Variants in CRACR2A observed in about 807,000 individuals in gnomAD.
The protein encoded by CRACR2A is calcium release activated channel regulator 2A.
A neutral mutation model predicts 90.5 loss-of-function variants in CRACR2A; 79 were observed. The ratio of observed to expected loss-of-function variants is 0.87; its 90% CI spans 0.73 to 1.05. CRACR2A has a LOEUF of 1.05. CRACR2A is among the 50% of genes least tolerant of loss of function. The pLI is 0.00. For missense variants in CRACR2A, 823 were observed against 897.2 expected (o/e 0.92, Z 1.06); for synonymous variants, 338 against 356.7 (o/e 0.95, Z 0.59).
intron 10 of CRACR2A, among the ~76,000 whole-genome samples, chr12:3,652,936 T>G (rs1944820068): frequency 6.6e-6 from 1 of 152,196 alleles, no homozygotes; most frequent in African/African-American, 2.4e-5. Context: ...CTTAAACCTC[T>G]GAACCTCAGT....
intron 17 of CRACR2A, among the ~76,000 whole-genome samples, chr12:3,619,656 T>G (rs1867777590): frequency 6.6e-6 from 1 of 152,184 alleles, no homozygotes; most frequent in Non-Finnish European, 1.5e-5. Context: ...GGATCTTAGA[T>G]GGAACAGCAG....
chr12:3,636,168 G>GAAGT (rs1004412202), intron 14 of CRACR2A, among the ~76,000 whole-genome samples: 1 of 152,134 alleles, frequency 6.6e-6, no homozygotes, highest in African/African-American at 2.4e-5. Flanking sequence ...CCCAGCAATA[G>GAAGT]AAGTGCTGGT....
chr12:3,641,046 T>G (rs1249787067), intron 13 of CRACR2A, among the ~76,000 whole-genome samples: 6 of 152,178 alleles, frequency 3.9e-5, no homozygotes, highest in African/African-American at 1.4e-4. Context: ...GTCATGTTCC[T>G]AAAAAACCAA....
intron 10 of CRACR2A, among the ~76,000 whole-genome samples, chr12:3,653,760 C>A (rs1349459549): frequency 6.6e-6 from 1 of 152,212 alleles, no homozygotes; most frequent in Non-Finnish European, 1.5e-5. Flanking sequence ...ATCCTGGAAG[C>A]CTCCCTGCTT....
rs531444591 is a variant in CRACR2A, at chr12:3,648,667, C to T, written c.1047-54G>A. ...AGCTCCCAGGTGGAAGCCGGATGCC[C>T]GGACCCCTCATGCTGGAGACCAGCA... On this transcript the variant is annotated intron_variant, in intron 10 of 19. Coordinates refer to ENST00000440314, the MANE Select transcript of CRACR2A (RefSeq NM_001144958.2). 64 of 1,578,066 alleles carry T rather than the reference C, an allele frequency of 4.1e-5. 1 individual carries two copies. The South Asian group carries it at 6.0e-4, about 15-fold the overall frequency.
intron 11 of CRACR2A, among the ~76,000 whole-genome samples, chr12:3,647,156 C>T (rs945875619): frequency 6.6e-6 from 1 of 151,860 alleles, no homozygotes; most frequent in Non-Finnish European, 1.5e-5. Context: ...GATTCCACCA[C>T]CGTCCCACCC....
At chr12:3,722,099 G>C (rs1223187081) in intron 2 of CRACR2A, among the ~76,000 whole-genome samples, 4 of 152,138 alleles carry the variant, frequency 2.6e-5, no homozygotes, top group African/African-American at 9.7e-5. Context: ...TACATTTTTA[G>C]CTCCCTGAAG....
At chr12:3,648,487 C>T (rs149287496) in intron 11 of CRACR2A, 55 bp downstream of exon 11, 141 of 1,613,264 alleles carry the variant, frequency 8.7e-5, no homozygotes, top group Admixed American at 1.7e-4. Flanking sequence ...CTGGTCCTTC[C>T]GACCCCAGGC....
At chr12:3,691,981 GT>G (rs1415202540) in intron 4 of CRACR2A, among the ~76,000 whole-genome samples, 1 of 152,176 alleles carries the variant, frequency 6.6e-6, no homozygotes, top group Non-Finnish European at 1.5e-5. Flanking sequence ...TTGTAGTGTA[GT>G]TTTTCAGATC....
chr12:3,656,809 G>A (rs912273962), intron 8 of CRACR2A, among the ~76,000 whole-genome samples: 1 of 152,098 alleles, frequency 6.6e-6, no homozygotes, highest in Non-Finnish European at 1.5e-5. Flanking sequence ...ATGACCCCTC[G>A]GACACCTTCC....
At chr12:3,749,015 G>A (rs1028020750) in intron 1 of CRACR2A, among the ~76,000 whole-genome samples, 4 of 152,212 alleles carry the variant, frequency 2.6e-5, no homozygotes, top group African/African-American at 9.7e-5. Context: ...CTCTGAAATA[G>A]CCAAGCTGCC....
At chr12:3,624,301 C>T (rs1435586189) in intron 17 of CRACR2A, among the ~76,000 whole-genome samples, 1 of 152,192 alleles carries the variant, frequency 6.6e-6, no homozygotes, top group African/African-American at 2.4e-5. Context: ...CCTCCACCCT[C>T]CCTTCTCCAG....
intron 7 of CRACR2A, among the ~76,000 whole-genome samples, chr12:3,669,810 G>C (rs57892958): frequency 0.045 from 6,823 of 152,212 alleles, 518 homozygotes; most frequent in African/African-American, 0.15. Flanking sequence ...GCCACCGTGC[G>C]ACCTGGGGGA....
chr12:3,745,220 G>C (rs1300277831), intron 1 of CRACR2A, among the ~76,000 whole-genome samples: 4 of 152,104 alleles, frequency 2.6e-5, no homozygotes, highest in Non-Finnish European at 5.9e-5. Flanking sequence ...AAACCAAAAA[G>C]CTACCGCAGG....
intron 1 of CRACR2A, among the ~76,000 whole-genome samples, chr12:3,738,529 A>T (rs999723028): frequency 6.6e-6 from 1 of 152,224 alleles, no homozygotes; most frequent in Non-Finnish European, 1.5e-5. Flanking sequence ...AGCAGATTAA[A>T]TACAGTTTGA....
chr12:3,677,215 A>G (rs956548156), intron 6 of CRACR2A, among the ~76,000 whole-genome samples: 1 of 152,196 alleles, frequency 6.6e-6, no homozygotes, highest in Non-Finnish European at 1.5e-5. Context: ...CATTTTGGTG[A>G]GCAAAATCTT....
intron 8 of CRACR2A, among the ~76,000 whole-genome samples, chr12:3,657,572 A>T (rs1944938274): frequency 6.6e-6 from 1 of 152,204 alleles, no homozygotes; most frequent in Admixed American, 6.5e-5. Context: ...AAATGGGCAG[A>T]AGAACCACTG....
chr12:3,694,650 C>A (rs1175667716), intron 4 of CRACR2A, among the ~76,000 whole-genome samples: 1 of 152,150 alleles, frequency 6.6e-6, no homozygotes, highest in East Asian at 1.9e-4. Flanking sequence ...CCACAGCTGA[C>A]CATGAGAAGC....
At chr12:3,634,487 C>T (rs1353431487) in intron 14 of CRACR2A, among the ~76,000 whole-genome samples, 1 of 152,122 alleles carries the variant, frequency 6.6e-6, no homozygotes, top group African/African-American at 2.4e-5. Context: ...GACAGGAAAG[C>T]CCAGAGGGGA....
Sources: gnomAD v4.1 joint callset for allele counts (sites outside exome capture counted in the v4.1 genomes callset) on GRCh38, gnomAD v4.1.1 for gene constraint, MANE v1.5 for transcripts, NCBI Gene and HGNC (gene_info 2026-07-23, HGNC 2026-07-21) for gene names.